BAIAP2L1: variants seen among roughly 807,000 people sequenced by gnomAD.
BAIAP2L1 encodes the protein BAR/IMD domain containing adaptor protein 2 like 1, also known as BAR/IMD domain-containing adapter protein 2-like 1.
BAIAP2L1 carries 35 observed loss-of-function variants against 66.3 expected under a neutral mutation model. The observed-to-expected ratio is 0.53, with a 90% confidence interval of 0.40 to 0.70. The LOEUF (loss-of-function observed/expected upper bound fraction) is 0.70. BAIAP2L1 is among the 30% of genes least tolerant of loss of function. BAIAP2L1 has a pLI of 0.00. For synonymous variants in BAIAP2L1, 269 were observed against 248.7 expected (o/e 1.08, Z -0.77); for missense variants, 622 against 656.9 (o/e 0.95, Z 0.58).
At chr7:98,336,875 G>A (rs1801628581) in intron 3 of BAIAP2L1, among the ~76,000 whole-genome samples, 1 of 152,142 alleles carries the variant, frequency 6.6e-6, no homozygotes, top group Non-Finnish European at 1.5e-5. Context: ...ATGGAATCAA[G>A]GACTTTGAAT....
chr7:98,367,726 G>A (rs897676741), intron 1 of BAIAP2L1, among the ~76,000 whole-genome samples: 6 of 151,684 alleles, frequency 4.0e-5, no homozygotes, highest in South Asian at 2.1e-4. Flanking sequence ...TAGTAGAGAC[G>A]GGTTTCACTG....
chr7:98,397,286 G>A (rs1357080411), intron 1 of BAIAP2L1, among the ~76,000 whole-genome samples: 1 of 148,148 alleles, frequency 6.8e-6, no homozygotes, highest in Non-Finnish European at 1.5e-5. Flanking sequence ...CCTCGATGCT[G>A]CCACACCCGT....
chr7:98,353,924 T>C (rs1233222872), intron 3 of BAIAP2L1, among the ~76,000 whole-genome samples: 1 of 150,522 alleles, frequency 6.6e-6, no homozygotes, highest in Non-Finnish European at 1.5e-5. Context: ...ATCGTGCCAC[T>C]GCACTCCAGC....
chr7:98,394,275 A>G (rs994961601), intron 1 of BAIAP2L1, among the ~76,000 whole-genome samples: 10 of 143,626 alleles, frequency 7.0e-5, no homozygotes, highest in African/African-American at 2.5e-4. Context: ...ACCCACACAT[A>G]AAACAAACAA....
At position 98,368,805 on chromosome 7, in the gene BAIAP2L1, A is replaced by ATT. The variant is rs35390626; in HGVS notation, c.52-6375_52-6374dup. Among the ~76,000 whole-genome samples the ATT allele has an allele frequency of 1.8e-4, 27 of 147,830 alleles. No homozygotes were observed. In the South Asian group the frequency reaches 2.5e-3, roughly 14 times the overall value. On this transcript the variant is annotated intron_variant, in intron 1 of 13. Coordinates refer to ENST00000005260, the MANE Select transcript of BAIAP2L1 (RefSeq NM_018842.5). Reference sequence around the variant, plus strand: ...TGTTGGATGTAGTTTATCACTTTTTATTTTTTTTTTTTGGCTAGTAGCATT... The same window carrying ATT: ...TGTTGGATGTAGTTTATCACTTTTTATTTTTTTTTTTTTTGGCTAGTAGCATT...
intron 12 of BAIAP2L1, among the ~76,000 whole-genome samples, chr7:98,297,770 AG>A (rs1308556097): frequency 6.6e-6 from 1 of 152,214 alleles, no homozygotes; most frequent in African/African-American, 2.4e-5. Context: ...AGATGCGTGC[AG>A]GCCTGCACCG....
At chr7:98,306,732 G>A (rs1800672483) in intron 10 of BAIAP2L1, 1 of 645,030 alleles carries the variant, frequency 1.6e-6, no homozygotes, top group African/African-American at 1.8e-5. Flanking sequence ...AATAGAGACA[G>A]GGTCTCGCTC....
chr7:98,369,164 G>T (rs190490579), intron 1 of BAIAP2L1, among the ~76,000 whole-genome samples: 4 of 150,354 alleles, frequency 2.7e-5, no homozygotes, highest in African/African-American at 9.8e-5. Context: ...CTAATTAAAA[G>T]ACAAAACTAT....
intron 1 of BAIAP2L1, among the ~76,000 whole-genome samples, chr7:98,392,369 G>A (rs974352641): frequency 6.6e-6 from 1 of 152,014 alleles, no homozygotes; most frequent in Non-Finnish European, 1.5e-5. Flanking sequence ...TACCTAACTG[G>A]CTAGAGTTCA....
chr7:98,318,525 C>T (rs1031781724), intron 5 of BAIAP2L1, among the ~76,000 whole-genome samples: 11 of 151,906 alleles, frequency 7.2e-5, no homozygotes, highest in African/African-American at 1.7e-4. Context: ...TGGATCCACC[C>T]GCCTTGGCCT....
intron 3 of BAIAP2L1, among the ~76,000 whole-genome samples, chr7:98,337,862 G>A (rs1037997157): frequency 1.3e-5 from 2 of 152,134 alleles, no homozygotes; most frequent in South Asian, 2.1e-4. Context: ...AGGTTGCAGT[G>A]AGCCGAGATC....
At chr7:98,342,113 G>A (rs143136364) in intron 3 of BAIAP2L1, among the ~76,000 whole-genome samples, 2,887 of 136,690 alleles carry the variant, frequency 0.021, 96 homozygotes, top group African/African-American at 0.074. Flanking sequence ...GTGCAGTGGT[G>A]TAATCATGGC....
At chr7:98,386,499 T>C in intron 1 of BAIAP2L1, 1 of 1,596,958 alleles carries the variant, frequency 6.3e-7, no homozygotes, top group Non-Finnish European at 8.5e-7. Flanking sequence ...ATCATACCAA[T>C]CTTTCTTAGA....
At chr7:98,372,709 G>A (rs193197533) in intron 1 of BAIAP2L1, among the ~76,000 whole-genome samples, 39 of 148,628 alleles carry the variant, frequency 2.6e-4, no homozygotes, top group Non-Finnish European at 5.0e-4. Flanking sequence ...AGGGTTAACT[G>A]AGGATATGTC....
rs1287201030 is a variant in BAIAP2L1 at position 98,297,818 on chromosome 7, G to A, written c.1423-3707C>T. 4.6e-5 allele frequency among the ~76,000 whole-genome samples: 7 copies of A among 152,360 alleles called. 1 individual carries two copies. In the South Asian group the frequency reaches 1.0e-3, roughly 23 times the overall value. On this transcript the variant is annotated intron_variant, in intron 12 of 13. Transcript: ENST00000005260. ...GGCTCTCAGGAGGGGCTCACGCCAC[G>A]TGAGGGCGCGCTGTGAAATGCAGGC...
intron 9 of BAIAP2L1, 72 bp from the exon 10 acceptor site, chr7:98,307,968 C>T: frequency 7.2e-7 from 1 of 1,386,688 alleles, no homozygotes; most frequent in Non-Finnish European, 1.0e-6. Context: ...AATGAGCAAA[C>T]CCCAGGAATC....
intron 12 of BAIAP2L1, among the ~76,000 whole-genome samples, chr7:98,297,856 A>G (rs910636656): frequency 1.3e-5 from 2 of 152,226 alleles, no homozygotes; most frequent in African/African-American, 4.8e-5. Flanking sequence ...GCTTTTACAA[A>G]GGAGAGCTGT....
rs112746004 is a variant in BAIAP2L1 at position 98,383,283 on chromosome 7, CTTTTTTT to C, written c.51+17512_51+17518del. 8.7e-5 allele frequency among the ~76,000 whole-genome samples: 12 copies of C among 137,866 alleles called. No individual in the cohort carries two copies. In the East Asian group the frequency reaches 2.5e-3, roughly 29 times the overall value. The allele number at this position is 137,866 out of a possible 152,430, so 90.4% of individuals were successfully genotyped here. A position where few individuals can be genotyped will look rare whatever the true frequency, so the allele number is the denominator to read the frequency against. ...ACTACCATGTAATATAACTTTCAAT[CTTTTTTT>C]TTTTTTTTTTCAGACAGAATTTCCT... On this transcript the variant is annotated intron_variant, in intron 1 of 13. Transcript: ENST00000005260.
intron 2 of BAIAP2L1, among the ~76,000 whole-genome samples, chr7:98,358,085 G>A (rs543307080): frequency 1.3e-5 from 2 of 152,308 alleles, no homozygotes; most frequent in East Asian, 1.9e-4. Context: ...GGAATGGAAT[G>A]CAGGATTACA....
Sources: allele counts gnomAD v4.1 joint callset (sites outside exome capture counted in the v4.1 genomes callset), GRCh38; gene constraint gnomAD v4.1.1; transcripts MANE v1.5; gene names NCBI Gene and HGNC (gene_info 2026-07-23, HGNC 2026-07-21).